ADGRV1: variants seen among roughly 807,000 people sequenced by gnomAD.
ADGRV1 encodes adhesion G protein-coupled receptor V1.
A neutral mutation model predicts 596.2 loss-of-function variants in ADGRV1; 359 were observed. That is an observed-to-expected ratio of 0.60 (90% confidence interval 0.55 to 0.66). The LOEUF is 0.66. Ranked by LOEUF, ADGRV1 falls within the 30% of genes least tolerant of loss-of-function variation. The pLI is 0.00. For missense variants in ADGRV1, 7,274 were observed against 7,575.6 expected, an observed-to-expected ratio of 0.96 and a Z score of 1.48; for synonymous variants, 2,681 against 2,679.2, an observed-to-expected ratio of 1.00 and a Z score of -0.02.
At chr5:90,722,611 A>G (rs1056479600) in intron 45 of ADGRV1, among the ~76,000 whole-genome samples, 5 of 149,586 alleles carry the variant, frequency 3.3e-5, no homozygotes, top group African/African-American at 1.2e-4. Context: ...CTACTTGGGA[A>G]GGCTGAGGCA....
intron 1 of ADGRV1, among the ~76,000 whole-genome samples, chr5:90,611,331 A>C (rs950709457): frequency 1.3e-5 from 2 of 151,976 alleles, no homozygotes; most frequent in African/African-American, 2.4e-5. Flanking sequence ...CCTGTGTGCT[A>C]TCAGGACTCT....
chr5:90,585,583 T>A (rs1688275520), intron 1 of ADGRV1, among the ~76,000 whole-genome samples: 1 of 152,090 alleles, frequency 6.6e-6, no homozygotes, highest in African/African-American at 2.4e-5. Flanking sequence ...TAGCCTGAGG[T>A]CATTTTAAAG....
intron 38 of ADGRV1, among the ~76,000 whole-genome samples, chr5:90,707,916 G>A (rs528005855): frequency 1.3e-5 from 2 of 152,142 alleles, no homozygotes; most frequent in South Asian, 4.2e-4. Flanking sequence ...CGTGGGGGGT[G>A]GGGGACATTA....
chr5:90,904,518 A>G (rs976722782), intron 83 of ADGRV1, among the ~76,000 whole-genome samples: 4 of 152,018 alleles, frequency 2.6e-5, no homozygotes, highest in Non-Finnish European at 2.9e-5. Context: ...GATCAGTGAT[A>G]TTGAGCACCT....
intron 84 of ADGRV1, among the ~76,000 whole-genome samples, chr5:90,979,099 T>G (rs1033978945): frequency 2.0e-5 from 3 of 151,544 alleles, no homozygotes; most frequent in Admixed American, 1.3e-4. Flanking sequence ...TTAAAGTGAG[T>G]GGTGAAAAAA....
In ADGRV1 at chr5:90,728,658, A is replaced by G. The variant is rs1752119540; in HGVS notation, c.10162-11A>G. ...GTCATAAAGGGTTTTGTATTTCAAC[A>G]TTTCCTTCAGGTCTTCAGGTGGAAT... is the stretch of plus-strand genomic sequence containing the variant. On this transcript the variant is annotated splice_polypyrimidine_tract_variant and intron_variant, in intron 48 of 89. Transcript: ENST00000405460. 3 of 1,597,916 alleles carry G rather than the reference A, an allele frequency of 1.9e-6. No homozygotes were observed. Among genetic ancestry groups the G allele is most frequent in the Non-Finnish European group, 1.7e-6 (2 of 1,171,108 alleles).
At chr5:90,638,327 A>G (rs2149412752) in intron 11 of ADGRV1, among the ~76,000 whole-genome samples, 3 of 152,212 alleles carry the variant, frequency 2.0e-5, no homozygotes, top group Admixed American at 2.0e-4. Flanking sequence ...AGAAGAGAGG[A>G]CTAGAGCTTG....
chr5:91,142,112 A>G (rs1795146998), intron 87 of ADGRV1, among the ~76,000 whole-genome samples: 1 of 152,210 alleles, frequency 6.6e-6, no homozygotes, highest in African/African-American at 2.4e-5. Flanking sequence ...ATACCTAGCT[A>G]TAGTGGTGAT....
intron 87 of ADGRV1, among the ~76,000 whole-genome samples, chr5:91,144,930 C>T (rs543460534): frequency 1.3e-5 from 2 of 152,334 alleles, no homozygotes; most frequent in East Asian, 3.9e-4. Flanking sequence ...AATTCTTTCA[C>T]AGACTGGCAT....
At chr5:90,784,126 A>C in intron 67 of ADGRV1, 69 bp downstream of exon 67, 6 of 958,620 alleles carry the variant, frequency 6.3e-6, no homozygotes, top group Non-Finnish European at 9.3e-6. Context: ...GTGTTTTCTC[A>C]TTGCCCAAGT....
chr5:90,830,733 A>G (rs1401737115), intron 77 of ADGRV1, among the ~76,000 whole-genome samples: 1 of 152,186 alleles, frequency 6.6e-6, no homozygotes, highest in Non-Finnish European at 1.5e-5. Context: ...GGTTAATTTT[A>G]TATGTCAACT....
intron 7 of ADGRV1, chr5:90,627,989 C>T: frequency 2.7e-6 from 1 of 365,260 alleles, no homozygotes; most frequent in Non-Finnish European, 4.8e-6. Context: ...TCTACCATGG[C>T]TTCACTGTTT....
Position 90,676,165 on chromosome 5 carries a change from T to G in ADGRV1, c.5399T>G (p.Leu1800Arg). ...ATCACTGATAATTCTATTCCTGAAC[T>G]GGAAAAATCTTTTAAAGTTGAGTTG... The part of the protein sequence containing the change: ...INITDNSIPE[L>R]EKSFKVELLN... The change falls in exon 25 of 90, where the codon CTG (leucine) becomes CGG (arginine). Residue 1800 changes from leucine (L) to arginine (R), a missense_variant. By Grantham distance (102) the Leu-to-Arg change is moderately radical. Transcript: ENST00000405460. 1 of 1,607,950 alleles carries G rather than the reference T, an allele frequency of 6.2e-7. No homozygotes were observed. The highest frequency in any genetic ancestry group is 8.5e-7 in the Non-Finnish European group (1 of 1,177,196).
chr5:91,012,510 G>C (rs2151153301), intron 85 of ADGRV1, among the ~76,000 whole-genome samples: 2 of 151,752 alleles, frequency 1.3e-5, no homozygotes, highest in Middle Eastern at 6.8e-3. Flanking sequence ...CTATTTATTT[G>C]AACCATCTTA....
chr5:90,866,880 A>G (rs1375172239), intron 83 of ADGRV1, among the ~76,000 whole-genome samples: 1 of 152,156 alleles, frequency 6.6e-6, no homozygotes, highest in African/African-American at 2.4e-5. Flanking sequence ...AAAAATGTAC[A>G]TATTTCTTCA....
chr5:90,953,113 T>G (rs1777186265), intron 83 of ADGRV1, among the ~76,000 whole-genome samples: 1 of 152,132 alleles, frequency 6.6e-6, no homozygotes, highest in African/African-American at 2.4e-5. Flanking sequence ...GCATCTCCAT[T>G]AATTCAAAGA....
intron 76 of ADGRV1, among the ~76,000 whole-genome samples, chr5:90,827,693 T>C (rs4916822): frequency 6.6e-6 from 1 of 152,152 alleles, no homozygotes; most frequent in African/African-American, 2.4e-5. Context: ...GTGGACACAG[T>C]ACAATTATTT....
chr5:90,831,233 CTCTA>C (rs1764492824), intron 77 of ADGRV1, among the ~76,000 whole-genome samples: 1 of 149,686 alleles, frequency 6.7e-6, no homozygotes, highest in African/African-American at 2.5e-5. Flanking sequence ...CTCTCTCTCT[CTCTA>C]TATATATATA....
Position 90,681,351 on chromosome 5 carries a change from T to C in ADGRV1, c.5561T>C (p.Ile1854Thr). The stretch of plus-strand genomic sequence containing the variant: ...GTGGCTTCCCAAATTCTAGTGACAA[T>C]TGCAGCCTCTGACCACGCTCATGGC... ...LGVASQILVT[I>T]AASDHAHGVF... The change falls in exon 27 of 90, where the codon ATT becomes ACT. Residue 1854 changes from isoleucine to threonine, a missense_variant. Coordinates refer to ENST00000405460, the MANE Select transcript of ADGRV1 (RefSeq NM_032119.4). The C allele has an allele frequency of 6.2e-7, 1 of 1,613,866 alleles. No individual in the cohort carries two copies. Among genetic ancestry groups the C allele is most frequent in the Non-Finnish European group, 8.5e-7 (1 of 1,179,810 alleles).
Sources: allele counts gnomAD v4.1 joint callset (sites outside exome capture counted in the v4.1 genomes callset), GRCh38; gene constraint gnomAD v4.1.1; transcripts MANE v1.5; gene names NCBI Gene and HGNC (gene_info 2026-07-23, HGNC 2026-07-21).